The following FSTL4 variants were observed in gnomAD, a reference collection of about 807,000 sequenced individuals.
The protein encoded by FSTL4 is follistatin-related protein 4.
FSTL4 carries 28 observed loss-of-function variants against 78.2 expected under a neutral mutation model. The ratio of observed to expected loss-of-function variants is 0.36; its 90% CI spans 0.27 to 0.49. The LOEUF (loss-of-function observed/expected upper bound fraction) is 0.49, where lower values mean the gene tolerates loss of function less well. Ranked by LOEUF, FSTL4 falls within the 20% of genes least tolerant of loss-of-function variation. The probability of loss-of-function intolerance (pLI) is 0.98; values close to 1 mark genes in which losing one functional copy is unlikely to be tolerated. For missense variants in FSTL4, 922 were observed against 1,084.9 expected, an observed-to-expected ratio of 0.85 and a Z score of 2.11; for synonymous variants, 422 against 440.5, an observed-to-expected ratio of 0.96 and a Z score of 0.53.
At chr5:133,300,509 C>T (rs1420163530) in intron 6 of FSTL4, among the ~76,000 whole-genome samples, 1 of 152,194 alleles carries the variant, frequency 6.6e-6, no homozygotes, top group East Asian at 1.9e-4. Flanking sequence ...TGGCCTGGTA[C>T]AGTTGGCCTG....
the FSTL4 span, among the ~76,000 whole-genome samples, chr5:133,745,888 G>A: frequency 1.3e-5 from 2 of 152,268 alleles, no homozygotes; most frequent in African/African-American, 2.4e-5. Context: ...TCCCCCTCAC[G>A]TTAATGACAA....
At chr5:133,289,649 T>A (rs1753211588) in intron 6 of FSTL4, among the ~76,000 whole-genome samples, 1 of 152,218 alleles carries the variant, frequency 6.6e-6, no homozygotes, top group Non-Finnish European at 1.5e-5. Flanking sequence ...TAGGCACCTG[T>A]CTTCCAGCTT....
Position 133,476,664 on chromosome 5 carries a change from G to A in FSTL4, c.161-75678C>T, listed in dbSNP as rs941972525. ...CAGATGTCAAATTTCCACCTTCACT[G>A]ACATATGTCCATTCTCTCAGGATAG... On this transcript the variant is annotated intron_variant, in intron 3 of 15. Coordinates refer to ENST00000265342, the MANE Select transcript of FSTL4 (RefSeq NM_015082.2). 3.6e-4 allele frequency among the ~76,000 whole-genome samples: 55 copies of A among 152,260 alleles called. 1 individual carries two copies. The highest frequency in any genetic ancestry group is 3.2e-3 in the Admixed American group (49 of 15,296).
intron 3 of FSTL4, among the ~76,000 whole-genome samples, chr5:133,499,367 A>AATAC: frequency 1.5e-5 from 1 of 66,096 alleles, no homozygotes; most frequent in East Asian, 6.2e-4. Flanking sequence ...ACACAAGGGG[A>AATAC]ATACACACAC....
intron 6 of FSTL4, among the ~76,000 whole-genome samples, chr5:133,256,264 A>G (rs1391939237): frequency 6.6e-6 from 1 of 152,106 alleles, no homozygotes; most frequent in Non-Finnish European, 1.5e-5. Flanking sequence ...TTCTCCTTCT[A>G]AATTAATGTG....
the FSTL4 span, among the ~76,000 whole-genome samples, chr5:133,666,490 T>C: frequency 1.3e-5 from 2 of 152,260 alleles, no homozygotes; most frequent in South Asian, 2.1e-4. Flanking sequence ...GCAGGTATTC[T>C]AATTATATGT....
chr5:133,669,926 G>A, the FSTL4 span, among the ~76,000 whole-genome samples: 22 of 152,130 alleles, frequency 1.4e-4, no homozygotes, highest in African/African-American at 4.6e-4. Context: ...TGAACCTCAA[G>A]ATAAAGACCC....
the FSTL4 span, among the ~76,000 whole-genome samples, chr5:133,783,622 A>G: frequency 1.3e-5 from 2 of 152,308 alleles, no homozygotes; most frequent in South Asian, 4.1e-4. Flanking sequence ...AATGACTGAG[A>G]AGGAAAGTCC....
the FSTL4 span, among the ~76,000 whole-genome samples, chr5:133,740,479 G>T: frequency 6.6e-6 from 1 of 152,122 alleles, no homozygotes; most frequent in Non-Finnish European, 1.5e-5. Flanking sequence ...CTCACCGCAG[G>T]CCACGTGTTG....
intron 6 of FSTL4, among the ~76,000 whole-genome samples, chr5:133,276,605 C>A (rs1204978181): frequency 6.6e-6 from 1 of 152,194 alleles, no homozygotes; most frequent in Non-Finnish European, 1.5e-5. Context: ...CAAAGGCCAT[C>A]CCTCCCCACT....
chr5:133,572,058 C>A (rs1760166851), intron 2 of FSTL4, among the ~76,000 whole-genome samples: 1 of 152,076 alleles, frequency 6.6e-6, no homozygotes, highest in African/African-American at 2.4e-5. Context: ...CCACAAGCCC[C>A]AAGCAAGATA....
In FSTL4 at chr5:133,583,531, G is replaced by T. The variant is rs1760483891; in HGVS notation, c.127-16312C>A. On this transcript the variant is annotated intron_variant, in intron 2 of 15. Transcript: ENST00000265342. ...TTCCCTTTCCGAGTCAAAGAAAGGG[G>T]TGACGGACGCACCTGGAAAATCGGG... The T allele has an allele frequency of 1.1e-5, 2 of 179,646 alleles. 1 individual carries two copies. The highest frequency in any genetic ancestry group is 1.4e-4 in the Admixed American group (2 of 14,604). The allele number at this position is 179,646 out of a possible 1,614,324, so 11.1% of individuals were successfully genotyped here.
intron 3 of FSTL4, among the ~76,000 whole-genome samples, chr5:133,439,317 C>T (rs541566681): frequency 6.6e-6 from 1 of 152,108 alleles, no homozygotes; most frequent in Admixed American, 6.5e-5. Flanking sequence ...TTTTTAGAAG[C>T]CTTTTGACAT....
At chr5:133,272,440 C>T (rs377529437) in intron 6 of FSTL4, among the ~76,000 whole-genome samples, 17 of 152,294 alleles carry the variant, frequency 1.1e-4, no homozygotes, top group Admixed American at 7.2e-4. Context: ...AGCGCCGTGA[C>T]GTGCATTTAG....
chr5:133,737,601 CCT>C, the FSTL4 span, among the ~76,000 whole-genome samples: 2 of 134,692 alleles, frequency 1.5e-5, no homozygotes, highest in African/African-American at 2.9e-5. Flanking sequence ...AGGCTGATTT[CCT>C]TTTTTTTTTT....
intron 2 of FSTL4, among the ~76,000 whole-genome samples, chr5:133,598,431 T>C (rs1187173329): frequency 7.5e-6 from 1 of 132,986 alleles, no homozygotes; most frequent in Admixed American, 7.1e-5. Context: ...CACCCCATTC[T>C]GCAATTGGGA....
intron 6 of FSTL4, among the ~76,000 whole-genome samples, chr5:133,280,173 G>A (rs1752978638): frequency 6.6e-6 from 1 of 152,152 alleles, no homozygotes; most frequent in Admixed American, 6.5e-5. Context: ...TTGCACTCAG[G>A]GAGCAAATCA....
At chr5:133,811,816 C>A in the FSTL4 span, among the ~76,000 whole-genome samples, 1 of 152,234 alleles carries the variant, frequency 6.6e-6, no homozygotes, top group East Asian at 1.9e-4. Context: ...CATAGGTGCC[C>A]ATGGCTTCCT....
At chr5:133,209,850 C>T in intron 14 of FSTL4, 1 of 218,950 alleles carries the variant, frequency 4.6e-6, no homozygotes, top group African/African-American at 2.2e-5. Flanking sequence ...CTTGCTTTGA[C>T]ACTATTCTTC....
Sources: gnomAD v4.1 joint callset for allele counts (sites outside exome capture counted in the v4.1 genomes callset) on GRCh38, gnomAD v4.1.1 for gene constraint, MANE v1.5 for transcripts, NCBI Gene and HGNC (gene_info 2026-07-23, HGNC 2026-07-21) for gene names.